Variants in RPTOR observed in about 807,000 individuals in gnomAD.
The protein encoded by RPTOR is regulatory-associated protein of mTOR.
Under a neutral mutation model 169.9 loss-of-function variants are expected in RPTOR, and 21 were observed. The observed-to-expected ratio is 0.12, with a 90% CI of 0.09 to 0.18. RPTOR has a LOEUF of 0.18. Ranked by LOEUF, RPTOR falls within the 10% of genes least tolerant of loss-of-function variation. The pLI, the probability that RPTOR is intolerant of heterozygous loss-of-function variation, is 1.00. For synonymous variants in RPTOR, 732 were observed against 753.2 expected (o/e 0.97, Z 0.46); for missense variants, 1,133 against 1,855.9 (o/e 0.61, Z 7.16).
intron 1 of RPTOR, among the ~76,000 whole-genome samples, chr17:80,581,792 C>G (rs2065016865): frequency 6.6e-6 from 1 of 152,278 alleles, no homozygotes. Flanking sequence ...CTGTTATTCT[C>G]TGCAGTGGAG....
chr17:80,677,759 A>T (rs1467552683), intron 3 of RPTOR, among the ~76,000 whole-genome samples: 1 of 143,446 alleles, frequency 7.0e-6, no homozygotes, highest in Non-Finnish European at 1.5e-5. Flanking sequence ...TACCTTACAA[A>T]AGAATAACAA....
intron 15 of RPTOR, 53 bp downstream of exon 15, chr17:80,883,537 GA>G: frequency 6.4e-7 from 1 of 1,573,340 alleles, no homozygotes; most frequent in Non-Finnish European, 8.7e-7. Context: ...CATTGCAGAG[GA>G]GCTGGGCCCA....
intron 1 of RPTOR, among the ~76,000 whole-genome samples, chr17:80,576,726 C>T (rs2064966995): frequency 6.6e-6 from 1 of 152,148 alleles, no homozygotes; most frequent in South Asian, 2.1e-4. Context: ...TTTTTTGAGA[C>T]AGGGTCTCGC....
chr17:80,842,788 C>T (rs1252577153), intron 10 of RPTOR, among the ~76,000 whole-genome samples: 1 of 152,178 alleles, frequency 6.6e-6, no homozygotes, highest in Non-Finnish European at 1.5e-5. Flanking sequence ...GTGTGTTTCC[C>T]TTTCACATCT....
chr17:80,603,790 G>A (rs1194803017), intron 1 of RPTOR, among the ~76,000 whole-genome samples: 1 of 152,208 alleles, frequency 6.6e-6, no homozygotes, highest in Admixed American at 6.5e-5. Context: ...AGCCAAAGAA[G>A]CGCATCCGAG....
At chr17:80,854,631 C>T (rs1304744467) in intron 11 of RPTOR, among the ~76,000 whole-genome samples, 1 of 152,236 alleles carries the variant, frequency 6.6e-6, no homozygotes, top group East Asian at 1.9e-4. Context: ...TGATGGCCCA[C>T]GCCTGTAATC....
intron 3 of RPTOR, among the ~76,000 whole-genome samples, chr17:80,658,341 C>G (rs576823813): frequency 2.6e-5 from 4 of 152,278 alleles, no homozygotes; most frequent in African/African-American, 9.6e-5. Flanking sequence ...TATTTTACCT[C>G]TATTTCATTT....
chr17:80,896,609 C>T (rs1309167043), intron 20 of RPTOR, among the ~76,000 whole-genome samples: 4 of 152,182 alleles, frequency 2.6e-5, no homozygotes, highest in East Asian at 3.9e-4. Context: ...ACCACAGCTG[C>T]GGGGGCAGCA....
rs952001394 is a variant in RPTOR, at chr17:80,721,298, C to T, written c.508-9262C>T. ...GGCAGCACTGTGGAAACTGTTCTCA[C>T]GACTGTGAGTCATTGAGGCTCCTGG... On this transcript the variant is annotated intron_variant, in intron 4 of 33. Transcript: ENST00000306801. This position sits in a 1 kb window ranked among gnomAD's most constrained non-coding sequence, Gnocchi z 4.7. Among the ~76,000 whole-genome samples, 1 of 151,322 alleles carries T rather than the reference C, an allele frequency of 6.6e-6. No individual in the cohort carries two copies. Among genetic ancestry groups the T allele is most frequent in the Non-Finnish European group, 1.5e-5 (1 of 68,018 alleles).
chr17:80,696,078 A>T (rs1350266331), intron 3 of RPTOR, among the ~76,000 whole-genome samples: 1 of 152,192 alleles, frequency 6.6e-6, no homozygotes, highest in Non-Finnish European at 1.5e-5. Context: ...GTAGGGCAGG[A>T]TAGATTTTTC....
intron 1 of RPTOR, among the ~76,000 whole-genome samples, chr17:80,615,239 G>A (rs1405261874): frequency 6.6e-6 from 1 of 152,164 alleles, no homozygotes; most frequent in Non-Finnish European, 1.5e-5. Flanking sequence ...AGTCCTAGAA[G>A]ACCTGCCACC....
intron 1 of RPTOR, among the ~76,000 whole-genome samples, chr17:80,612,097 T>A (rs1352949746): frequency 2.0e-5 from 3 of 152,206 alleles, no homozygotes; most frequent in African/African-American, 7.2e-5. Flanking sequence ...ACTTAGAAGA[T>A]TTGCTCTCAC....
chr17:80,790,624 T>C (rs2067038069), intron 6 of RPTOR, among the ~76,000 whole-genome samples: 1 of 152,204 alleles, frequency 6.6e-6, no homozygotes, highest in Non-Finnish European at 1.5e-5. Flanking sequence ...CCTGGGCCAC[T>C]GTCCTTCTCC....
At chr17:80,692,686 C>T (rs2066003264) in intron 3 of RPTOR, among the ~76,000 whole-genome samples, 1 of 152,178 alleles carries the variant, frequency 6.6e-6, no homozygotes, top group Non-Finnish European at 1.5e-5. Context: ...TGGTCTTGAA[C>T]TCCTGGCCTC....
At position 80,609,618 on chromosome 17, in the gene RPTOR, G is replaced by A. The variant is rs1057128221; in HGVS notation, c.163-16073G>A. Among the ~76,000 whole-genome samples the A allele has an allele frequency of 2.0e-5, 3 of 152,252 alleles. No homozygotes were observed. Among genetic ancestry groups the A allele is most frequent in the Admixed American group, 6.5e-5 (1 of 15,294 alleles). On this transcript the variant is annotated intron_variant, in intron 1 of 33. Coordinates refer to ENST00000306801, the MANE Select transcript of RPTOR (RefSeq NM_020761.3). This position sits in a 1 kb window ranked among gnomAD's most constrained non-coding sequence, Gnocchi z 4.8. ...AAATTAGCCGGGCATGATGGCGCAC[G>A]CCTGTAATTCCGGCTACTCAGGAGG...
intron 1 of RPTOR, among the ~76,000 whole-genome samples, chr17:80,591,634 C>A (rs993919488): frequency 6.6e-6 from 1 of 152,078 alleles, no homozygotes; most frequent in Non-Finnish European, 1.5e-5. Context: ...CTGCCTTAGC[C>A]TCCCAAAGTG....
intron 25 of RPTOR, chr17:80,945,450 G>C: frequency 2.7e-6 from 1 of 372,614 alleles, no homozygotes; most frequent in South Asian, 3.9e-5. Flanking sequence ...AAATTAGCTG[G>C]GCATGGTGGC....
At chr17:80,857,195 A>T (rs945595998) in intron 12 of RPTOR, among the ~76,000 whole-genome samples, 2 of 152,176 alleles carry the variant, frequency 1.3e-5, no homozygotes, top group Admixed American at 6.5e-5. Flanking sequence ...GAGGGCAGAG[A>T]GTCCCCTGAG....
intron 6 of RPTOR, among the ~76,000 whole-genome samples, chr17:80,768,272 T>TA (rs1432628587): frequency 1.3e-5 from 2 of 152,198 alleles, no homozygotes; most frequent in Non-Finnish European, 2.9e-5. Flanking sequence ...CATGTCTGTC[T>TA]AACGGGAGAA....
Sources: allele counts gnomAD v4.1 joint callset (sites outside exome capture counted in the v4.1 genomes callset), GRCh38; gene constraint gnomAD v4.1.1; non-coding constraint Gnocchi (gnomAD v3.1); transcripts MANE v1.5; gene names NCBI Gene and HGNC (gene_info 2026-07-23, HGNC 2026-07-21).